The following CFAP251 variants were observed in gnomAD, a reference collection of about 807,000 sequenced individuals.
CFAP251 encodes cilia- and flagella-associated protein 251.
In CFAP251, 93 loss-of-function variants were observed where a neutral mutation model predicts 126.7. That is an observed-to-expected ratio of 0.73 (90% CI 0.62 to 0.87). The LOEUF (loss-of-function observed/expected upper bound fraction) is 0.87, where lower values mean the gene tolerates loss of function less well. Ranked by LOEUF, CFAP251 falls within the 40% of genes least tolerant of loss-of-function variation. CFAP251 has a pLI of 0.00. For missense variants in CFAP251, 1,287 were observed against 1,389.2 expected (o/e 0.93, Z 1.17); for synonymous variants, 503 against 506.9 (o/e 0.99, Z 0.10).
At chr12:121,988,747 C>CTT (rs199716724) in intron 19 of CFAP251, among the ~76,000 whole-genome samples, 8 of 138,946 alleles carry the variant, frequency 5.8e-5, no homozygotes, top group Non-Finnish European at 9.4e-5. Context: ...TTTTTTTTCT[C>CTT]TTTTTTTTTT....
intron 3 of CFAP251, among the ~76,000 whole-genome samples, chr12:121,930,950 T>C (rs995123250): frequency 1.3e-5 from 2 of 152,052 alleles, no homozygotes; most frequent in East Asian, 3.9e-4. Flanking sequence ...GGTTTCACCA[T>C]TTTGGCCAGG....
At chr12:121,970,983 G>T in intron 17 of CFAP251, among the ~76,000 whole-genome samples, 1 of 152,352 alleles carries the variant, frequency 6.6e-6, no homozygotes, top group South Asian at 2.1e-4. Context: ...GTGGCCAGGA[G>T]GTAGGGGATG....
chr12:121,951,621 C>A, intron 9 of CFAP251, 91 bp downstream of exon 9: 1 of 928,746 alleles, frequency 1.1e-6, no homozygotes, highest in Non-Finnish European at 1.7e-6. Context: ...ACTCTTTGTA[C>A]ATCTTGATAT....
chr12:121,926,133 G>A (rs928722065), intron 3 of CFAP251, among the ~76,000 whole-genome samples: 3 of 151,448 alleles, frequency 2.0e-5, no homozygotes, highest in African/African-American at 7.3e-5. Flanking sequence ...CCAGAGTGCT[G>A]GGATTACAGG....
chr12:121,970,199 C>A (rs188710830), intron 17 of CFAP251, among the ~76,000 whole-genome samples: 1 of 152,130 alleles, frequency 6.6e-6, no homozygotes, highest in Non-Finnish European at 1.5e-5. Context: ...CCCCTTCCAT[C>A]CCCTCTCTCA....
rs766090812 is a variant in CFAP251, at chr12:121,989,001, G to T, written c.3007-10715G>T. Among the ~76,000 whole-genome samples, 3 of 152,150 alleles carry T rather than the reference G, an allele frequency of 2.0e-5. No homozygotes were observed. Among genetic ancestry groups the T allele is most frequent in the Non-Finnish European group, 4.4e-5 (3 of 68,028 alleles). ...TCCACCCAACTTGGCCTCCCAAAGT[G>T]CTGGGATCCCAGATGTGAGCCACGG... On this transcript the variant is annotated intron_variant, in intron 19 of 21. Coordinates refer to ENST00000288912, the MANE Select transcript of CFAP251 (RefSeq NM_144668.6). The surrounding 1 kb of genome is among the most constrained non-coding windows in gnomAD (Gnocchi z 4.2).
chr12:121,950,584 G>A (rs1031102608), intron 8 of CFAP251: 1 of 151,924 alleles, frequency 6.6e-6, no homozygotes, highest in Non-Finnish European at 1.5e-5. Flanking sequence ...TTGAGATGGG[G>A]TCTCACTCTG....
chr12:121,941,689 T>C (rs1246977481), intron 5 of CFAP251, among the ~76,000 whole-genome samples: 2 of 152,094 alleles, frequency 1.3e-5, no homozygotes, highest in African/African-American at 2.4e-5. Flanking sequence ...TCATGTATGG[T>C]ATATTAAGGG....
At chr12:121,924,906 G>T (rs538713498) in intron 3 of CFAP251, among the ~76,000 whole-genome samples, 2 of 151,908 alleles carry the variant, frequency 1.3e-5, no homozygotes, top group South Asian at 4.2e-4. Context: ...ACTCCATTCC[G>T]CCCCTTTCCC....
intron 3 of CFAP251, among the ~76,000 whole-genome samples, chr12:121,928,616 A>C (rs1880510980): frequency 8.6e-6 from 1 of 116,186 alleles, no homozygotes; most frequent in African/African-American, 3.6e-5. Flanking sequence ...AGATAATTTT[A>C]TGTATATGTG....
At chr12:121,945,815 A>G (rs1025340888) in intron 7 of CFAP251, among the ~76,000 whole-genome samples, 2 of 149,624 alleles carry the variant, frequency 1.3e-5, no homozygotes, top group Admixed American at 1.3e-4. Flanking sequence ...ACAGGCGCCC[A>G]CCACCACGCC....
chr12:122,002,552 G>C (rs535638702), intron 21 of CFAP251, among the ~76,000 whole-genome samples: 1 of 146,268 alleles, frequency 6.8e-6, no homozygotes, highest in Non-Finnish European at 1.5e-5. Flanking sequence ...TTAAAAAAGA[G>C]AGAGAGAGAG....
At chr12:121,992,963 C>CTCTCCCTCTCCG (rs1565925022) in intron 19 of CFAP251, among the ~76,000 whole-genome samples, 21 of 46,206 alleles carry the variant, frequency 4.5e-4, no homozygotes, top group African/African-American at 7.8e-4. Context: ...CTCCCTCTCC[C>CTCTCCCTCTCCG]ACTCCCTCTC....
At position 121,921,655 on chromosome 12, in the gene CFAP251, C is replaced by T; in HGVS notation, c.350C>T (p.Ser117Phe). 1 of 1,607,884 alleles carries T rather than the reference C, an allele frequency of 6.2e-7. No individual in the cohort carries two copies. Among genetic ancestry groups the T allele is most frequent in the Non-Finnish European group, 8.5e-7 (1 of 1,178,114 alleles). ...MIRLETQITDSQSITSGIFPK... is the reference protein window; with the variant it reads ...MIRLETQITDFQSITSGIFPK... Reference sequence around the variant, plus strand: ...CGTTTGGAGACACAGATTACTGATTCCCAGTCAATCACATCAGGAATTTTC... The same window carrying T: ...CGTTTGGAGACACAGATTACTGATTTCCAGTCAATCACATCAGGAATTTTC... The change falls in exon 2 of 22, where the codon TCC becomes TTC. Residue 117 changes from serine to phenylalanine, a missense_variant. Coordinates refer to ENST00000288912, the MANE Select transcript of CFAP251 (RefSeq NM_144668.6).
chr12:121,968,066 C>T lies in CFAP251; in HGVS notation c.2668C>T (p.His890Tyr). 3 of 1,613,624 alleles carry T rather than the reference C, an allele frequency of 1.9e-6. No individual in the cohort carries two copies. The highest frequency in any genetic ancestry group is 2.5e-6 in the Non-Finnish European group (3 of 1,179,580). Residue 890 changes from histidine (H) to tyrosine (Y), a missense_variant, in exon 17 of 22, where the codon CAC (histidine) becomes TAC (tyrosine). His to Tyr is a moderately conservative substitution (Grantham distance 83). Coordinates refer to ENST00000288912, the MANE Select transcript of CFAP251 (RefSeq NM_144668.6). ...ACATAAGACATCTGCTATTGTTTGC[C>T]ACCCGAACGGGGTGGCCGGCATGGC... ...NPHKTSAIVC[H>Y]PNGVAGMAVS... is the part of the protein sequence containing the mutation.
chr12:121,971,859 G>C (rs1442462588), intron 17 of CFAP251: 6 of 456,300 alleles, frequency 1.3e-5, no homozygotes, highest in South Asian at 4.4e-5. Context: ...GTTGGATGGT[G>C]GGGGAGCAGG....
Position 121,985,614 on chromosome 12 carries a change from T to TAATTTTAA in CFAP251, c.3006+9931_3006+9938dup, listed in dbSNP as rs559252928. Among the ~76,000 whole-genome samples, 419 of 149,260 alleles carry TAATTTTAA rather than the reference T, an allele frequency of 2.8e-3. 2 individuals carry two copies. The highest frequency in any genetic ancestry group is 9.8e-3 in the African/African-American group (397 of 40,600). On this transcript the variant is annotated intron_variant, in intron 19 of 21. Coordinates refer to ENST00000288912, the MANE Select transcript of CFAP251 (RefSeq NM_144668.6). ...TATAATGATGTACATATGGAAGGAA[T>TAATTTTAA]AATTTTAAATATATAATATATATAA...
chr12:121,942,263 C>T (rs1309200421), intron 5 of CFAP251, among the ~76,000 whole-genome samples: 1 of 152,168 alleles, frequency 6.6e-6, no homozygotes, highest in East Asian at 1.9e-4. Flanking sequence ...GTGGGTTTGC[C>T]TATTCCGGCC....
chr12:121,925,118 T>G (rs1396258931), intron 3 of CFAP251, among the ~76,000 whole-genome samples: 1 of 152,076 alleles, frequency 6.6e-6, no homozygotes, highest in African/African-American at 2.4e-5. Flanking sequence ...TATCTTTACA[T>G]GACCCCAAAA....
Sources: allele counts gnomAD v4.1 joint callset (sites outside exome capture counted in the v4.1 genomes callset), GRCh38; gene constraint gnomAD v4.1.1; non-coding constraint Gnocchi (gnomAD v3.1); transcripts MANE v1.5; gene names NCBI Gene and HGNC (gene_info 2026-07-23, HGNC 2026-07-21).